Variants in NKAIN2 observed in about 807,000 individuals in gnomAD.
NKAIN2 encodes sodium/potassium-transporting ATPase subunit beta-1-interacting protein 2.
NKAIN2 carries 14 observed loss-of-function variants against 32.6 expected under a neutral mutation model. That is an observed-to-expected ratio of 0.43 (90% CI 0.28 to 0.67). The LOEUF (loss-of-function observed/expected upper bound fraction) is 0.67. Ranked by LOEUF, NKAIN2 falls within the 30% of genes least tolerant of loss-of-function variation. NKAIN2 has a pLI of 0.17. For missense variants in NKAIN2, 198 were observed against 258.3 expected, an observed-to-expected ratio of 0.77 and a Z score of 1.60; for synonymous variants, 80 against 87.2, an observed-to-expected ratio of 0.92 and a Z score of 0.46.
intron 3 of NKAIN2, among the ~76,000 whole-genome samples, chr6:124,566,237 C>T (rs575410644): frequency 6.6e-6 from 1 of 152,328 alleles, no homozygotes; most frequent in African/African-American, 2.4e-5. Context: ...CTTTTAGCTC[C>T]ACCATACCCC....
At chr6:124,166,666 C>A (rs1788559142) in intron 1 of NKAIN2, among the ~76,000 whole-genome samples, 1 of 151,914 alleles carries the variant, frequency 6.6e-6, no homozygotes. Context: ...AGGTTTAAGT[C>A]TTTAATCCAT....
rs569113641 is a variant in NKAIN2, at chr6:124,755,808, T to C, written c.475-35531T>C. On this transcript the variant is annotated intron_variant, in intron 4 of 6. Transcript: ENST00000368417. ...TGATGAAATAATCTGTATGACAAAC[T>C]CCCATGACACAAGTTGACCTATGTA... Among the ~76,000 whole-genome samples the C allele has an allele frequency of 1.7e-3, 264 of 152,112 alleles. 3 individuals are homozygous for C. The highest frequency in any genetic ancestry group is 5.9e-3 in the African/African-American group (244 of 41,516).
chr6:124,437,574 A>G (rs1775503343), intron 3 of NKAIN2, among the ~76,000 whole-genome samples: 1 of 151,356 alleles, frequency 6.6e-6, no homozygotes, highest in African/African-American at 2.4e-5. Flanking sequence ...TTTTCTACCT[A>G]TCTCATTCAA....
chr6:123,862,205 T>C (rs2114979809), intron 1 of NKAIN2, among the ~76,000 whole-genome samples: 1 of 152,242 alleles, frequency 6.6e-6, no homozygotes, highest in Non-Finnish European at 1.5e-5. Flanking sequence ...TGCCAGAAAA[T>C]ATATGAAGCA....
chr6:124,666,815 C>T (rs957894752), intron 4 of NKAIN2, among the ~76,000 whole-genome samples: 1 of 152,026 alleles, frequency 6.6e-6, no homozygotes, highest in African/African-American at 2.4e-5. Context: ...AAAATATTCA[C>T]AGTCTGGGAG....
chr6:124,055,329 T>C (rs1782594577), intron 1 of NKAIN2, among the ~76,000 whole-genome samples: 1 of 152,076 alleles, frequency 6.6e-6, no homozygotes, highest in Non-Finnish European at 1.5e-5. Context: ...ATATTTTCTT[T>C]TCAGATACTA....
At chr6:123,991,238 C>A (rs1229635665) in intron 1 of NKAIN2, among the ~76,000 whole-genome samples, 1 of 152,124 alleles carries the variant, frequency 6.6e-6, no homozygotes, top group Admixed American at 6.5e-5. Flanking sequence ...TTTCTATGAA[C>A]AGATACTTAA....
intron 2 of NKAIN2, among the ~76,000 whole-genome samples, chr6:124,323,336 A>G (rs1035363089): frequency 6.6e-6 from 1 of 152,204 alleles, no homozygotes; most frequent in African/African-American, 2.4e-5. Context: ...GTCATCTAAG[A>G]ACACTGCCAA....
At chr6:124,806,726 G>A (rs1472800454) in intron 5 of NKAIN2, among the ~76,000 whole-genome samples, 1 of 152,070 alleles carries the variant, frequency 6.6e-6, no homozygotes. Flanking sequence ...CCATCAGTGT[G>A]CTGTATTCAG....
At chr6:124,651,050 A>G (rs1439151030) in intron 3 of NKAIN2, among the ~76,000 whole-genome samples, 1 of 152,204 alleles carries the variant, frequency 6.6e-6, no homozygotes, top group African/African-American at 2.4e-5. Flanking sequence ...AGGGCGAAAT[A>G]GGTAAGAAAA....
intron 3 of NKAIN2, among the ~76,000 whole-genome samples, chr6:124,441,981 A>C (rs1044723266): frequency 2.6e-5 from 4 of 152,060 alleles, no homozygotes; most frequent in Non-Finnish European, 5.9e-5. Context: ...TTACATACAC[A>C]TAAGACTAGC....
intron 3 of NKAIN2, among the ~76,000 whole-genome samples, chr6:124,416,806 G>A (rs1774508440): frequency 6.6e-6 from 1 of 152,064 alleles, no homozygotes; most frequent in Admixed American, 6.5e-5. Context: ...CAGCCAAGGT[G>A]GTATCAGTAG....
At chr6:124,081,417 A>G (rs1380232286) in intron 1 of NKAIN2, among the ~76,000 whole-genome samples, 2 of 152,082 alleles carry the variant, frequency 1.3e-5, no homozygotes, top group African/African-American at 4.8e-5. Context: ...CTTAGGTTTT[A>G]CATAAAATTT....
At chr6:124,155,557 T>C (rs1787941460) in intron 1 of NKAIN2, among the ~76,000 whole-genome samples, 1 of 151,656 alleles carries the variant, frequency 6.6e-6, no homozygotes, top group Non-Finnish European at 1.5e-5. Flanking sequence ...GAGTCTTATT[T>C]AGGATAGATG....
intron 3 of NKAIN2, among the ~76,000 whole-genome samples, chr6:124,387,591 A>G (rs1044554054): frequency 3.3e-5 from 5 of 152,150 alleles, no homozygotes; most frequent in African/African-American, 1.2e-4. Flanking sequence ...ACAAAATTCC[A>G]GTCTAATGTT....
chr6:124,309,398 A>T (rs1313658412), intron 2 of NKAIN2, among the ~76,000 whole-genome samples: 2 of 152,104 alleles, frequency 1.3e-5, no homozygotes, highest in African/African-American at 4.8e-5. Context: ...AGTTAATAGC[A>T]GGTCTATATC....
chr6:124,248,786 A>G (rs1361292146), intron 1 of NKAIN2, among the ~76,000 whole-genome samples: 1 of 152,174 alleles, frequency 6.6e-6, no homozygotes, highest in African/African-American at 2.4e-5. Context: ...CTTGTCATAC[A>G]GGCTTATGAT....
intron 1 of NKAIN2, among the ~76,000 whole-genome samples, chr6:123,923,964 A>T (rs537049269): frequency 6.6e-5 from 10 of 152,044 alleles, no homozygotes; most frequent in East Asian, 5.8e-4. Flanking sequence ...AAAAAAAATT[A>T]AAAAAATTAA....
rs140996876 is a variant in NKAIN2, at chr6:124,561,655, C to T, written c.274-96531C>T. Among the ~76,000 whole-genome samples, 666 of 152,160 alleles carry T rather than the reference C, an allele frequency of 4.4e-3. 5 individuals carry two copies. Among genetic ancestry groups the T allele is most frequent in the African/African-American group, 0.015 (636 of 41,492 alleles). ...TCTATAACTGGAAAAAGAAGAGTAG[C>T]AGATTCACCTTCCAAGCTGGGGTGG... On this transcript the variant is annotated intron_variant, in intron 3 of 6. Coordinates refer to ENST00000368417, the MANE Select transcript of NKAIN2 (RefSeq NM_001040214.3).
Sources: allele counts gnomAD v4.1 joint callset (sites outside exome capture counted in the v4.1 genomes callset), GRCh38; gene constraint gnomAD v4.1.1; transcripts MANE v1.5; gene names NCBI Gene and HGNC (gene_info 2026-07-23, HGNC 2026-07-21).